Variants in NR5A2 observed in about 807,000 individuals in gnomAD.
NR5A2 encodes nuclear receptor subfamily 5 group A member 2, also known as CYP7A promoter-binding factor.
In NR5A2, 26 loss-of-function variants were observed where a neutral mutation model predicts 62.7. That is an observed-to-expected ratio of 0.41 (90% CI 0.30 to 0.58). The LOEUF is 0.58. Among genes scored for constraint, NR5A2 ranks in the 20% least tolerant of loss-of-function variants. The pLI, the probability that NR5A2 is intolerant of heterozygous loss-of-function variation, is 0.22. For missense variants in NR5A2, 541 were observed against 669.1 expected (o/e 0.81, Z 2.11); for synonymous variants, 246 against 241.7 (o/e 1.02, Z -0.16).
At chr1:200,032,449 A>AT (rs1661582570) in intron 1 of NR5A2, among the ~76,000 whole-genome samples, 2 of 152,248 alleles carry the variant, frequency 1.3e-5, no homozygotes, top group South Asian at 4.1e-4. Flanking sequence ...TAAACACCAA[A>AT]TAACCTGAAT....
In NR5A2 at chr1:200,048,621, A is replaced by G. The variant is rs1159161761; in HGVS notation, c.913A>G (p.Ile305Val). 2 of 1,614,210 alleles carry G rather than the reference A, an allele frequency of 1.2e-6. No individual in the cohort carries two copies. The highest frequency in any genetic ancestry group is 1.7e-6 in the Non-Finnish European group (2 of 1,180,038). Residue 305 changes from isoleucine to valine, a missense_variant, in exon 5 of 8, where the codon ATA (isoleucine) becomes GTA (valine). Transcript: ENST00000367362. The surrounding 1 kb of genome is among the most constrained non-coding windows in gnomAD (Gnocchi z 4.8). ...CTCTCCAGCAAGCATCCCACATCTG[A>G]TACTGGAACTTTTGAAGTGTGAGCC... ...TSSPASIPHL[I>V]LELLKCEPDE...
At chr1:200,106,632 C>T (rs1005826951) in intron 5 of NR5A2, among the ~76,000 whole-genome samples, 1 of 152,144 alleles carries the variant, frequency 6.6e-6, no homozygotes, top group African/African-American at 2.4e-5. Context: ...TGGTCTTCTT[C>T]CCAGAACTGC....
chr1:200,061,576 C>T (rs1045955806), intron 5 of NR5A2, among the ~76,000 whole-genome samples: 7 of 152,294 alleles, frequency 4.6e-5, no homozygotes, highest in African/African-American at 1.7e-4. Flanking sequence ...CTGCGCCCGA[C>T]CCGGGATTAA....
intron 6 of NR5A2, among the ~76,000 whole-genome samples, chr1:200,116,847 AAAT>A (rs1226234856): frequency 5.3e-5 from 8 of 152,348 alleles, no homozygotes; most frequent in East Asian, 1.9e-4. Context: ...TGTATGTATA[AAAT>A]AATAATGTAC....
chr1:200,057,602 C>A, intron 5 of NR5A2: 1 of 345,560 alleles, frequency 2.9e-6, no homozygotes, highest in Non-Finnish European at 5.8e-6. Context: ...CCTCAGCCTC[C>A]CGAGTAGCTG....
chr1:200,125,817 C>T (rs564356361), intron 7 of NR5A2, among the ~76,000 whole-genome samples: 4 of 152,182 alleles, frequency 2.6e-5, no homozygotes, highest in Admixed American at 2.0e-4. Flanking sequence ...TGGGTAAGAC[C>T]TTCAGGGCTT....
intron 5 of NR5A2, among the ~76,000 whole-genome samples, chr1:200,052,837 T>G (rs1662710416): frequency 6.6e-6 from 1 of 152,098 alleles, no homozygotes; most frequent in Non-Finnish European, 1.5e-5. Context: ...AGACGGTGTT[T>G]CACCGTGTTA....
intron 1 of NR5A2, among the ~76,000 whole-genome samples, chr1:200,035,903 G>A (rs572650167): frequency 3.9e-5 from 6 of 152,242 alleles, no homozygotes; most frequent in African/African-American, 1.4e-4. Flanking sequence ...CAAGGTAGTT[G>A]AGCAGAGCTG....
chr1:200,071,262 C>T (rs1663726160), intron 5 of NR5A2, among the ~76,000 whole-genome samples: 2 of 152,212 alleles, frequency 1.3e-5, no homozygotes, highest in African/African-American at 4.8e-5. Flanking sequence ...GGTTTTTCCA[C>T]AGCTTTCAGC....
intron 6 of NR5A2, among the ~76,000 whole-genome samples, chr1:200,119,431 C>A (rs2737680): frequency 0.42 from 63,698 of 151,896 alleles, 13,859 homozygotes; most frequent in East Asian, 0.68. Flanking sequence ...ATATTAAATG[C>A]ACCTAAAAGA....
intron 5 of NR5A2, among the ~76,000 whole-genome samples, chr1:200,085,074 G>T (rs1664461232): frequency 6.6e-6 from 1 of 152,206 alleles, no homozygotes; most frequent in Admixed American, 6.5e-5. Context: ...GTTACTGCCA[G>T]TGGGGGACTA....
chr1:200,048,852 C>T lies in NR5A2; in HGVS notation c.1110+34C>T. On this transcript the variant is annotated intron_variant, in intron 5 of 7. Transcript: ENST00000367362. The surrounding 1 kb of genome is among the most constrained non-coding windows in gnomAD (Gnocchi z 4.8). ...CCAGCTATTACAACTTACAGCACCC[C>T]TTTTAAGAGAGACCTAACTATGTTC... The T allele has an allele frequency of 6.2e-7, 1 of 1,604,236 alleles. No individual in the cohort carries two copies. Among genetic ancestry groups the T allele is most frequent in the Non-Finnish European group, 8.5e-7 (1 of 1,172,836 alleles).
Position 200,176,747 on chromosome 1 carries a change from C to T in NR5A2, c.*2537C>T, listed in dbSNP as rs1436510047. ...TGAACTCCTGGGCTCAAGCATTCCT[C>T]CTGCCTCAGCCTCCCCCATAGCTGG... On this transcript the variant is annotated 3_prime_UTR_variant, in exon 8 of 8. Transcript: ENST00000367362. The T allele has an allele frequency of 1.3e-5, 2 of 152,194 alleles. No homozygotes were observed. Among genetic ancestry groups the T allele is most frequent in the African/African-American group, 4.8e-5 (2 of 41,438 alleles). 9.4% of individuals were successfully genotyped at this position (152,194 alleles called of 1,614,324 possible). A position where few individuals can be genotyped will look rare whatever the true frequency, so the allele number is the denominator to read the frequency against.
At chr1:200,141,489 G>C (rs1447428994) in intron 7 of NR5A2, among the ~76,000 whole-genome samples, 2 of 152,138 alleles carry the variant, frequency 1.3e-5, no homozygotes, top group Non-Finnish European at 2.9e-5. Flanking sequence ...ATATACCACA[G>C]TTTGCTTAAC....
At chr1:200,163,048 C>T (rs1024431940) in intron 7 of NR5A2, among the ~76,000 whole-genome samples, 3 of 152,010 alleles carry the variant, frequency 2.0e-5, no homozygotes, top group Non-Finnish European at 2.9e-5. Flanking sequence ...AAATGTTCAA[C>T]ACATGGAAAA....
intron 5 of NR5A2, among the ~76,000 whole-genome samples, chr1:200,075,942 C>G (rs975854689): frequency 6.7e-6 from 1 of 149,998 alleles, no homozygotes; most frequent in Non-Finnish European, 1.5e-5. Flanking sequence ...TCATGTTTTG[C>G]TTAGAATTCC....
At chr1:200,110,384 A>G (rs974378373) in intron 5 of NR5A2, among the ~76,000 whole-genome samples, 6 of 152,254 alleles carry the variant, frequency 3.9e-5, no homozygotes, top group African/African-American at 1.2e-4. Context: ...AGGACTGGAC[A>G]TGAGACAGAT....
chr1:200,102,736 T>G (rs1166494183), intron 5 of NR5A2, among the ~76,000 whole-genome samples: 1 of 152,222 alleles, frequency 6.6e-6, no homozygotes, highest in Non-Finnish European at 1.5e-5. Flanking sequence ...TCAGTCTATA[T>G]GCACTCAAGT....
At chr1:200,153,277 T>C (rs968186940) in intron 7 of NR5A2, among the ~76,000 whole-genome samples, 1 of 152,254 alleles carries the variant, frequency 6.6e-6, no homozygotes, top group Non-Finnish European at 1.5e-5. Context: ...GTAGCACTCA[T>C]GCTCCTGTTA....
Sources: allele counts gnomAD v4.1 joint callset (sites outside exome capture counted in the v4.1 genomes callset), GRCh38; gene constraint gnomAD v4.1.1; non-coding constraint Gnocchi (gnomAD v3.1); transcripts MANE v1.5; gene names NCBI Gene and HGNC (gene_info 2026-07-23, HGNC 2026-07-21).